TRPM1: variants seen among roughly 807,000 people sequenced by gnomAD.
TRPM1 encodes TRPM1-203 APA Isoform, Intron 10.
In TRPM1, 113 loss-of-function variants were observed where a neutral mutation model predicts 149.4. The observed-to-expected ratio is 0.76, with a 90% CI of 0.65 to 0.88. The LOEUF is 0.88. Among genes scored for constraint, TRPM1 ranks in the 40% least tolerant of loss-of-function variants. The pLI, the probability that TRPM1 is intolerant of heterozygous loss-of-function variation, is 0.00. For synonymous variants in TRPM1, 741 were observed against 759.5 expected, an observed-to-expected ratio of 0.98 and a Z score of 0.40; for missense variants, 1,976 against 2,038.7, an observed-to-expected ratio of 0.97 and a Z score of 0.59.
chr15:31,069,532 G>A (rs957949125), intron 4 of TRPM1: 90 of 1,139,406 alleles, frequency 7.9e-5, no homozygotes, highest in Non-Finnish European at 8.6e-5. Flanking sequence ...CCTCCCCCAC[G>A]CTGGCAGGGC....
chr15:31,113,398 C>T (rs575267256), intron 1 of TRPM1, among the ~76,000 whole-genome samples: 2 of 151,300 alleles, frequency 1.3e-5, no homozygotes, highest in African/African-American at 2.4e-5. Flanking sequence ...AAAGGGTCAC[C>T]TATGCATACA....
chr15:31,117,207 C>T (rs2035811197), intron 1 of TRPM1, among the ~76,000 whole-genome samples: 5 of 150,826 alleles, frequency 3.3e-5, no homozygotes, highest in African/African-American at 7.3e-5. Flanking sequence ...AAAATTAGGC[C>T]GGGCATGGTG....
At chr15:31,055,254 A>G (rs936177558) in intron 11 of TRPM1, among the ~76,000 whole-genome samples, 1 of 152,212 alleles carries the variant, frequency 6.6e-6, no homozygotes, top group African/African-American at 2.4e-5. Context: ...CAGCCTGAGC[A>G]TGTGTTTCCT....
chr15:31,072,121 C>A (rs1245561249), intron 3 of TRPM1, among the ~76,000 whole-genome samples: 1 of 150,370 alleles, frequency 6.7e-6, no homozygotes, highest in South Asian at 2.1e-4. Context: ...ATTTTCATCA[C>A]CTCAAAAAGA....
chr15:31,067,730 A>G, intron 5 of TRPM1, 149 bp downstream of exon 5: 1 of 783,338 alleles, frequency 1.3e-6, no homozygotes, highest in African/African-American at 1.7e-5. Context: ...TAAAAAACAC[A>G]AGCTAGGGAA....
chr15:31,055,674 C>T lies in TRPM1; in HGVS notation c.1263+4870G>A, dbSNP rs145573996. ...TAGGGAGGCCCAGAGCCCATCAGCC[C>T]TCTCCAGTCGGCACTCAGCAAAGCA... On this transcript the variant is annotated intron_variant, in intron 11 of 27. Coordinates refer to ENST00000256552, the MANE Select transcript of TRPM1 (RefSeq NM_001252024.2). Among the ~76,000 whole-genome samples the T allele has an allele frequency of 3.9e-3, 599 of 152,278 alleles. 8 individuals are homozygous for T. Among genetic ancestry groups the T allele is most frequent in the African/African-American group, 0.014 (563 of 41,574 alleles).
intron 1 of TRPM1, among the ~76,000 whole-genome samples, chr15:31,151,586 A>G (rs1052590860): frequency 2.6e-5 from 4 of 152,216 alleles, no homozygotes; most frequent in Admixed American, 2.6e-4. Context: ...TGCTCTGGCC[A>G]GGGTTTGGTG....
At chr15:31,050,634 T>C in intron 11 of TRPM1, 52 bp from the exon 12 acceptor site, 2 of 1,605,248 alleles carry the variant, frequency 1.2e-6, no homozygotes, top group Admixed American at 3.3e-5. Context: ...CTCTTTCTTG[T>C]CCCCAGACCA....
intron 1 of TRPM1, among the ~76,000 whole-genome samples, chr15:31,121,088 A>G (rs1309132509): frequency 1.3e-5 from 2 of 151,966 alleles, no homozygotes; most frequent in Non-Finnish European, 2.9e-5. Flanking sequence ...TTAGCCAGGC[A>G]TGGTGGTGGG....
Position 31,066,243 on chromosome 15 carries a change from G to A in TRPM1, c.623C>T (p.Thr208Ile). 1.2e-6 allele frequency: 2 copies of A among 1,614,162 alleles called. No homozygotes were observed. Among genetic ancestry groups the A allele is most frequent in the Non-Finnish European group, 8.5e-7 (1 of 1,180,030 alleles). Reference sequence around the variant, plus strand: ...GTTGGACATGGTCTGGTACACTCTTGTTACCTGACAAAGTGCACAGCGCAA... The same window carrying A: ...GTTGGACATGGTCTGGTACACTCTTATTACCTGACAAAGTGCACAGCGCAA... ...NKEDLVGKDV[T>I]RVYQTMSNPL... is the part of the protein sequence containing the mutation. The change falls in exon 7 of 28, where the codon ACA becomes ATA. Residue 208 changes from threonine (T) to isoleucine (I), a missense_variant. Thr to Ile is a moderately conservative substitution (Grantham distance 89). Transcript: ENST00000256552.
intron 1 of TRPM1, among the ~76,000 whole-genome samples, chr15:31,113,864 G>C (rs553824171): frequency 6.6e-6 from 1 of 152,196 alleles, no homozygotes; most frequent in African/African-American, 2.4e-5. Flanking sequence ...CCCACACGCT[G>C]GAAGGGTACC....
At chr15:31,093,848 C>T (rs1046293897) in intron 1 of TRPM1, among the ~76,000 whole-genome samples, 3 of 151,998 alleles carry the variant, frequency 2.0e-5, no homozygotes, top group South Asian at 4.2e-4. Context: ...AGTGATCTGC[C>T]CGCCTCAGCC....
chr15:31,109,722 G>A (rs187031675), intron 1 of TRPM1, among the ~76,000 whole-genome samples: 23 of 151,158 alleles, frequency 1.5e-4, no homozygotes, highest in African/African-American at 5.1e-4. Flanking sequence ...AAAACCAGGA[G>A]TAATGGGGCT....
chr15:31,130,964 C>A (rs1399952203), intron 1 of TRPM1, among the ~76,000 whole-genome samples: 1 of 152,154 alleles, frequency 6.6e-6, no homozygotes, highest in Non-Finnish European at 1.5e-5. Flanking sequence ...TCTGTCTAGG[C>A]AGAGGGCAAG....
intron 1 of TRPM1, among the ~76,000 whole-genome samples, chr15:31,146,451 C>A (rs938143006): frequency 1.7e-4 from 26 of 152,162 alleles, no homozygotes; most frequent in Admixed American, 1.4e-3. Context: ...AATGGAGTCA[C>A]CCATGTTAAA....
chr15:31,069,596 G>A, intron 4 of TRPM1: 2 of 1,272,012 alleles, frequency 1.6e-6, no homozygotes, highest in Non-Finnish European at 2.0e-6. Context: ...GAGGGACCTT[G>A]GTCCTTCTCG....
At chr15:31,048,026 G>A (rs991302719) in intron 13 of TRPM1, 87 bp from the exon 14 acceptor site, 1 of 1,101,232 alleles carries the variant, frequency 9.1e-7, no homozygotes, top group Non-Finnish European at 1.4e-6. Flanking sequence ...ACTTTGGGAG[G>A]CCAAGGCAGG....
intron 1 of TRPM1, among the ~76,000 whole-genome samples, chr15:31,145,012 A>G (rs2036207129): frequency 6.6e-6 from 1 of 152,072 alleles, no homozygotes; most frequent in African/African-American, 2.4e-5. Context: ...CACCGCACCC[A>G]GCCCCGGCCT....
chr15:31,108,587 G>A (rs1443164222), intron 1 of TRPM1, among the ~76,000 whole-genome samples: 1 of 152,110 alleles, frequency 6.6e-6, no homozygotes, highest in Non-Finnish European at 1.5e-5. Context: ...TCTGCATCCC[G>A]GGTTCAAGTG....
Sources: gnomAD v4.1 joint callset for allele counts (sites outside exome capture counted in the v4.1 genomes callset) on GRCh38, gnomAD v4.1.1 for gene constraint, MANE v1.5 for transcripts, NCBI Gene and HGNC (gene_info 2026-07-23, HGNC 2026-07-21) for gene names.